The following TTBK2 variants were observed in gnomAD, a reference collection of about 807,000 sequenced individuals.
TTBK2 encodes the protein tau-tubulin kinase 2.
Under a neutral mutation model 110.8 loss-of-function variants are expected in TTBK2, and 28 were observed. The ratio of observed to expected loss-of-function variants is 0.25; its 90% CI spans 0.19 to 0.35. TTBK2 has a LOEUF of 0.35. TTBK2 is among the 10% of genes least tolerant of loss of function. The pLI is 1.00. For missense variants in TTBK2, 1,369 were observed against 1,500.3 expected, an observed-to-expected ratio of 0.91 and a Z score of 1.45; for synonymous variants, 532 against 527.3, an observed-to-expected ratio of 1.01 and a Z score of -0.12.
chr15:42,752,328 G>C lies in TTBK2; in HGVS notation c.2918C>G (p.Ala973Gly), dbSNP rs1454893512. The C allele has an allele frequency of 6.2e-7, 1 of 1,614,094 alleles. No individual in the cohort carries two copies. The highest frequency in any genetic ancestry group is 8.5e-7 in the Non-Finnish European group (1 of 1,180,042). Residue 973 changes from alanine (A) to glycine (G), a missense_variant, in exon 14 of 15, where the codon GCC (alanine) becomes GGC (glycine). Ala to Gly is a moderately conservative substitution (Grantham distance 60, BLOSUM62 0). Around this residue, in one of 4 missense-constraint regions of TTBK2, gnomAD observed 1,097 missense variants for 1,114.7 expected, o/e 0.98. Coordinates refer to ENST00000267890, the MANE Select transcript of TTBK2 (RefSeq NM_173500.4). ...SAKEKLLQKK[A>G]YQPDLVKLLV... ...AAGCTTGACTAGGTCTGGCTGATAGGCTTTCTTTTGGAGGAGCTTTTCTTT... is the reference window on the plus strand; with the variant it reads ...AAGCTTGACTAGGTCTGGCTGATAGCCTTTCTTTTGGAGGAGCTTTTCTTT...
intron 1 of TTBK2, among the ~76,000 whole-genome samples, chr15:42,883,760 T>A (rs917987841): frequency 7.9e-5 from 12 of 152,076 alleles, no homozygotes; most frequent in African/African-American, 2.4e-4. Flanking sequence ...ACCTTAAGTA[T>A]AAATGGCATA....
At chr15:42,849,253 C>A (rs1026923436) in intron 3 of TTBK2, among the ~76,000 whole-genome samples, 2 of 151,928 alleles carry the variant, frequency 1.3e-5, no homozygotes, top group Non-Finnish European at 2.9e-5. Context: ...GTCCATTCTG[C>A]TATTGAGCCC....
At chr15:42,750,710 G>C (rs1399932337) in intron 14 of TTBK2, among the ~76,000 whole-genome samples, 1 of 151,856 alleles carries the variant, frequency 6.6e-6, no homozygotes, top group Non-Finnish European at 1.5e-5. Context: ...AAGAAAAAAA[G>C]CCTGCAAACT....
Position 42,775,510 on chromosome 15 carries a change from G to A in TTBK2, c.1623C>T (p.Ser541=), listed in dbSNP as rs990190832. 6.8e-6 allele frequency: 11 copies of A among 1,614,186 alleles called. No individual in the cohort carries two copies. Among genetic ancestry groups the A allele is most frequent in the Non-Finnish European group, 8.5e-6 (10 of 1,180,036 alleles). Residue 541 remains serine, a synonymous_variant, in exon 13 of 15, where the codon AGC becomes AGT. Transcript: ENST00000267890. ...TGGAATCAATTTCTTGCTTGCAAGA[G>A]CTCAGGTTAACAGCTATAAATCCAT... ...GSNGFIAVNL[S]SCKQEIDSKE... is the part of the protein sequence containing the mutation.
chr15:42,779,740 G>A (rs1461436151), intron 11 of TTBK2, among the ~76,000 whole-genome samples: 1 of 152,140 alleles, frequency 6.6e-6, no homozygotes, highest in Non-Finnish European at 1.5e-5. Flanking sequence ...AGCACTTTGT[G>A]AGGTCGAGGC....
At chr15:42,770,068 C>T (rs564246624) in intron 13 of TTBK2, among the ~76,000 whole-genome samples, 1 of 139,644 alleles carries the variant, frequency 7.2e-6, no homozygotes, top group African/African-American at 2.8e-5. Context: ...TACTTGGACA[C>T]AGGGTGGGGA....
intron 13 of TTBK2, among the ~76,000 whole-genome samples, chr15:42,754,530 G>A (rs975226021): frequency 1.3e-5 from 2 of 151,540 alleles, no homozygotes; most frequent in Non-Finnish European, 2.9e-5. Flanking sequence ...CCAAGTATCT[G>A]GGATTACAGG....
At chr15:42,787,769 A>AT (rs1051360626) in intron 10 of TTBK2, among the ~76,000 whole-genome samples, 12 of 152,212 alleles carry the variant, frequency 7.9e-5, no homozygotes, top group South Asian at 2.1e-4. Context: ...TTACATTATC[A>AT]TTTTTTTCTA....
intron 4 of TTBK2, among the ~76,000 whole-genome samples, chr15:42,831,253 A>G (rs1357882355): frequency 6.6e-6 from 1 of 151,982 alleles, no homozygotes; most frequent in African/African-American, 2.4e-5. Flanking sequence ...TGTTTTTTAA[A>G]TAGAGATGGA....
intron 1 of TTBK2, among the ~76,000 whole-genome samples, chr15:42,901,000 C>T (rs2029970757): frequency 6.6e-6 from 1 of 152,110 alleles, no homozygotes; most frequent in African/African-American, 2.4e-5. Flanking sequence ...ACTCCTACCT[C>T]ATACCATATA....
intron 2 of TTBK2, among the ~76,000 whole-genome samples, chr15:42,876,957 C>G (rs935875134): frequency 6.6e-6 from 1 of 152,122 alleles, no homozygotes; most frequent in Non-Finnish European, 1.5e-5. Flanking sequence ...TCCATGAATT[C>G]TTAATTACAC....
intron 6 of TTBK2, among the ~76,000 whole-genome samples, chr15:42,823,269 G>A (rs2140966976): frequency 6.6e-6 from 1 of 152,094 alleles, no homozygotes; most frequent in Non-Finnish European, 1.5e-5. Context: ...CTTAAAAGCA[G>A]GATACATACA....
intron 1 of TTBK2, among the ~76,000 whole-genome samples, chr15:42,879,996 C>CAAAAAAAAAAAAAAAAAA (rs71108186): frequency 1.3e-5 from 1 of 74,464 alleles, no homozygotes. Flanking sequence ...GATCCTGTCT[C>CAAAAAAAAAAAAAAAAAA]AAAAAAAAAA....
intron 7 of TTBK2, among the ~76,000 whole-genome samples, chr15:42,813,857 TA>T (rs912280517): frequency 1.5e-3 from 210 of 142,398 alleles, no homozygotes; most frequent in Middle Eastern, 3.6e-3. Flanking sequence ...CTCCATCTCT[TA>T]AAAAAAAAAA....
chr15:42,855,842 G>A (rs565960440), intron 3 of TTBK2, among the ~76,000 whole-genome samples: 7 of 152,124 alleles, frequency 4.6e-5, no homozygotes, highest in Non-Finnish European at 7.4e-5. Context: ...CCGCCACCTC[G>A]CCCGGCTAAT....
chr15:42,821,236 CTAAT>C (rs2140960852), intron 6 of TTBK2, among the ~76,000 whole-genome samples: 1 of 152,046 alleles, frequency 6.6e-6, no homozygotes, highest in South Asian at 2.1e-4. Flanking sequence ...ATTAAAGAAA[CTAAT>C]AACAGTACAG....
At chr15:42,763,153 T>TACACACAC (rs1312779081) in intron 13 of TTBK2, among the ~76,000 whole-genome samples, 2 of 56,834 alleles carry the variant, frequency 3.5e-5, no homozygotes, top group Non-Finnish European at 5.5e-5. Context: ...CATATATATA[T>TACACACAC]ATACATATAT....
At chr15:42,788,802 C>A (rs1344013803) in intron 10 of TTBK2, among the ~76,000 whole-genome samples, 1 of 152,198 alleles carries the variant, frequency 6.6e-6, no homozygotes, top group East Asian at 1.9e-4. Flanking sequence ...AGCTATATAA[C>A]CCAAACTGAA....
At chr15:42,868,894 TAAATA>T (rs1197901418) in intron 3 of TTBK2, among the ~76,000 whole-genome samples, 1 of 150,412 alleles carries the variant, frequency 6.6e-6, no homozygotes, top group Non-Finnish European at 1.5e-5. Flanking sequence ...AATAAATAAA[TAAATA>T]AAAGATGTGC....
Sources: gnomAD v4.1 joint callset for allele counts (sites outside exome capture counted in the v4.1 genomes callset) on GRCh38, gnomAD v4.1.1 for gene constraint, gnomAD v4.1.1 regional missense constraint, MANE v1.5 for transcripts, NCBI Gene and HGNC (gene_info 2026-07-23, HGNC 2026-07-21) for gene names.